Variants in HADH observed in about 807,000 individuals in gnomAD.
HADH encodes the protein hydroxyacyl-coenzyme A dehydrogenase, mitochondrial.
In HADH, 24 loss-of-function variants were observed where a neutral mutation model predicts 32.2. That is an observed-to-expected ratio of 0.75 (90% CI 0.54 to 1.05). The LOEUF is 1.05. Ranked by LOEUF, HADH falls within the 50% of genes least tolerant of loss-of-function variation. HADH has a pLI of 0.00. For synonymous variants in HADH, 139 were observed against 152.5 expected (o/e 0.91, Z 0.65); for missense variants, 350 against 397.1 (o/e 0.88, Z 1.01).
intron 1 of HADH, among the ~76,000 whole-genome samples, chr4:107,996,829 G>C (rs1734971112): frequency 6.6e-6 from 1 of 151,782 alleles, no homozygotes. Context: ...AGGAGGCGGA[G>C]GATGCAGTGA....
In HADH at chr4:108,018,455, G is replaced by A. The variant is rs543954662; in HGVS notation, c.420-1085G>A. The stretch of plus-strand genomic sequence containing the variant: ...TTTTTTTTTTAAAAAGGAAACCCTG[G>A]CATTTAAATGGCCTACCTTGGAAGC... On this transcript the variant is annotated intron_variant, in intron 3 of 7. Transcript: ENST00000309522. Among the ~76,000 whole-genome samples the A allele has an allele frequency of 3.3e-5, 5 of 152,118 alleles. No homozygotes were observed. In the East Asian group the frequency reaches 7.7e-4, roughly 24 times the overall value.
At chr4:108,007,085 A>T (rs1735315185) in intron 1 of HADH, among the ~76,000 whole-genome samples, 1 of 151,920 alleles carries the variant, frequency 6.6e-6, no homozygotes, top group Admixed American at 6.6e-5. Context: ...TTCTTTTTAA[A>T]GGCTTAAGTT....
chr4:108,005,894 G>A (rs1004462438), intron 1 of HADH, among the ~76,000 whole-genome samples: 1 of 152,174 alleles, frequency 6.6e-6, no homozygotes, highest in Non-Finnish European at 1.5e-5. Context: ...CTGTGGAGAA[G>A]AAAGGAGGAT....
chr4:108,011,760 AC>A (rs1735500929), intron 2 of HADH, among the ~76,000 whole-genome samples: 1 of 152,200 alleles, frequency 6.6e-6, no homozygotes, highest in African/African-American at 2.4e-5. Flanking sequence ...TTACATTCCC[AC>A]CAGCAATGTA....
At chr4:108,031,698 G>C (rs1045880559) in intron 6 of HADH, 1 of 152,124 alleles carries the variant, frequency 6.6e-6, no homozygotes, top group Non-Finnish European at 1.5e-5. Flanking sequence ...AGCTGTGTGA[G>C]TCATGAATCT....
In HADH at chr4:107,992,912, C is replaced by T. The variant is rs938009416; in HGVS notation, c.132+2848C>T. On this transcript the variant is annotated intron_variant, in intron 1 of 7. Transcript: ENST00000309522. ...GGCAGATCATCTGAGGTCAGGAGTT[C>T]AAGACCAGCCTGGCCAATATGGTGA... 2.6e-5 allele frequency among the ~76,000 whole-genome samples: 4 copies of T among 152,014 alleles called. No homozygotes were observed. In the East Asian group the frequency reaches 5.8e-4, roughly 22 times the overall value.
chr4:108,017,057 T>G (rs894118647), intron 3 of HADH, among the ~76,000 whole-genome samples: 1 of 152,240 alleles, frequency 6.6e-6, no homozygotes, highest in African/African-American at 2.4e-5. Context: ...TCCACCTTTC[T>G]TGGCACTGTT....
intron 4 of HADH, among the ~76,000 whole-genome samples, chr4:108,023,089 G>C (rs1578261023): frequency 1.3e-5 from 2 of 151,276 alleles, no homozygotes; most frequent in African/African-American, 4.9e-5. Flanking sequence ...CACCTCCCAG[G>C]TTCAAGCAAT....
chr4:108,004,581 A>G, intron 1 of HADH: 1 of 1,294,518 alleles, frequency 7.7e-7, no homozygotes, highest in Non-Finnish European at 1.0e-6. Flanking sequence ...CTGTGAATGA[A>G]TAATCCAAAC....
intron 3 of HADH, among the ~76,000 whole-genome samples, chr4:108,018,145 A>G (rs909667128): frequency 3.3e-5 from 5 of 152,146 alleles, no homozygotes; most frequent in Non-Finnish European, 7.3e-5. Context: ...TTACGATTGT[A>G]ATACTAATCT....
intron 1 of HADH, among the ~76,000 whole-genome samples, chr4:107,995,560 T>C (rs988094671): frequency 3.3e-5 from 5 of 152,192 alleles, no homozygotes; most frequent in Non-Finnish European, 7.3e-5. Context: ...AGTGTACCAT[T>C]TACTGGTTTT....
chr4:108,018,777 G>A (rs1024556835), intron 3 of HADH, among the ~76,000 whole-genome samples: 6 of 152,150 alleles, frequency 3.9e-5, no homozygotes, highest in African/African-American at 1.4e-4. Context: ...CCGCAAGGTG[G>A]CGCTGCAGGA....
At chr4:108,021,596 G>C (rs1054335801) in intron 4 of HADH, among the ~76,000 whole-genome samples, 4 of 152,078 alleles carry the variant, frequency 2.6e-5, no homozygotes, top group African/African-American at 7.2e-5. Context: ...ATTACTGTTC[G>C]TTGAATGAAT....
chr4:108,002,526 G>A (rs1367157756), intron 1 of HADH, among the ~76,000 whole-genome samples: 1 of 152,124 alleles, frequency 6.6e-6, no homozygotes, highest in Non-Finnish European at 1.5e-5. Context: ...ATATTACAAT[G>A]TAATAATAAT....
rs1395001424 is a variant in HADH at position 108,019,590 on chromosome 4, C to G, written c.470C>G (p.Ala157Gly). 2 of 1,613,842 alleles carry G rather than the reference C, an allele frequency of 1.2e-6. No homozygotes were observed. Among genetic ancestry groups the G allele is most frequent in the Non-Finnish European group, 1.7e-6 (2 of 1,179,686 alleles). ...NTSSLQITSI[A>G]NATTRQDRFA... ...TCCTCCTTGCAGATTACAAGCATAG[C>G]TAATGCCACCACCAGACAAGACCGA... is the stretch of plus-strand genomic sequence containing the variant. The change falls in exon 4 of 8, where the codon GCT becomes GGT. Residue 157 changes from alanine (A) to glycine (G), a missense_variant. Transcript: ENST00000309522.
chr4:108,022,648 A>G (rs1276241085), intron 4 of HADH, among the ~76,000 whole-genome samples: 2 of 152,132 alleles, frequency 1.3e-5, no homozygotes, highest in African/African-American at 4.8e-5. Flanking sequence ...TCTATAATAG[A>G]AGATCAGGTC....
intron 1 of HADH, among the ~76,000 whole-genome samples, chr4:107,996,556 C>T (rs1200959508): frequency 2.0e-5 from 3 of 152,030 alleles, no homozygotes; most frequent in South Asian, 2.1e-4. Flanking sequence ...ATGTAAAATT[C>T]GAAGTCTAAT....
At chr4:107,993,566 A>C (rs1032485060) in intron 1 of HADH, among the ~76,000 whole-genome samples, 1 of 152,156 alleles carries the variant, frequency 6.6e-6, no homozygotes, top group Admixed American at 6.5e-5. Context: ...AGGATGAAAA[A>C]ATATTTAAAT....
At chr4:107,990,142 G>T (rs1490826935) in intron 1 of HADH, 78 bp downstream of exon 1, 3 of 1,453,548 alleles carry the variant, frequency 2.1e-6, no homozygotes, top group Non-Finnish European at 1.9e-6. Context: ...GACCGGCCGC[G>T]AGGGGCCTGC....
Sources: gnomAD v4.1 joint callset for allele counts (sites outside exome capture counted in the v4.1 genomes callset) on GRCh38, gnomAD v4.1.1 for gene constraint, MANE v1.5 for transcripts, NCBI Gene and HGNC (gene_info 2026-07-23, HGNC 2026-07-21) for gene names.